Variants in MACROD2 observed in about 807,000 individuals in gnomAD.
The protein encoded by MACROD2 is mono-ADP ribosylhydrolase 2, also known as ADP-ribose glycohydrolase MACROD2.
Under a neutral mutation model 70.4 loss-of-function variants are expected in MACROD2, and 36 were observed. That is an observed-to-expected ratio of 0.51 (90% CI 0.39 to 0.68). MACROD2 has a LOEUF of 0.68. MACROD2 is among the 30% of genes least tolerant of loss of function. The pLI is 0.00. For synonymous variants in MACROD2, 172 were observed against 178.8 expected (o/e 0.96, Z 0.30); for missense variants, 496 against 538.4 (o/e 0.92, Z 0.78).
intron 4 of MACROD2, among the ~76,000 whole-genome samples, chr20:14,571,466 T>C (rs1483231128): frequency 6.6e-6 from 1 of 152,094 alleles, no homozygotes; most frequent in Non-Finnish European, 1.5e-5. Flanking sequence ...TGTGTGTATA[T>C]ATATCACTTG....
At chr20:15,459,001 C>T (rs1238882877) in intron 7 of MACROD2, among the ~76,000 whole-genome samples, 3 of 152,048 alleles carry the variant, frequency 2.0e-5, no homozygotes, top group African/African-American at 4.8e-5. Flanking sequence ...CTGATGCAGA[C>T]ATTTCAGGGA....
chr20:14,183,996 CT>C (rs1306241779), intron 3 of MACROD2, among the ~76,000 whole-genome samples: 1 of 152,048 alleles, frequency 6.6e-6, no homozygotes, highest in Non-Finnish European at 1.5e-5. Context: ...TGTCTGTTTA[CT>C]TTTTTGATAG....
chr20:14,998,933 C>T (rs1006744948), intron 5 of MACROD2, among the ~76,000 whole-genome samples: 1 of 152,212 alleles, frequency 6.6e-6, no homozygotes, highest in African/African-American at 2.4e-5. Flanking sequence ...TGTCTGGCAG[C>T]AGACTTCTCA....
chr20:15,691,528 C>T (rs2050299086), intron 8 of MACROD2, among the ~76,000 whole-genome samples: 1 of 152,112 alleles, frequency 6.6e-6, no homozygotes, highest in Non-Finnish European at 1.5e-5. Flanking sequence ...CAAACTAGAA[C>T]ATTAGATGGT....
intron 15 of MACROD2, among the ~76,000 whole-genome samples, chr20:16,021,885 CA>C (rs921905125): frequency 1.3e-5 from 2 of 152,096 alleles, no homozygotes; most frequent in African/African-American, 2.4e-5. Context: ...CACAATCCAA[CA>C]AAATATAAGC....
intron 4 of MACROD2, among the ~76,000 whole-genome samples, chr20:14,569,397 T>G (rs1332187611): frequency 6.6e-6 from 1 of 152,050 alleles, no homozygotes; most frequent in Non-Finnish European, 1.5e-5. Context: ...GTATAGATAT[T>G]GAGCCATTAC....
chr20:15,927,475 T>C (rs762914682), intron 10 of MACROD2, among the ~76,000 whole-genome samples: 7 of 152,206 alleles, frequency 4.6e-5, no homozygotes, highest in Non-Finnish European at 8.8e-5. Flanking sequence ...ACTGTGTGAC[T>C]TCAGGGAAGT....
At position 15,986,791 on chromosome 20, in the gene MACROD2, G is replaced by A. The variant is rs748151443; in HGVS notation, c.1050G>A (p.Met350Ile). The change falls in exon 14 of 18, where the codon ATG becomes ATA. Residue 350 changes from methionine (M) to isoleucine (I), a missense_variant. By Grantham distance (10) the Met-to-Ile change is conservative. Transcript: ENST00000684519. ...KIETESQSSY[M>I]ETEELSSNQE... ...AAACAGAATCGCAGAGCTCATATAT[G>A]GAAACAGAAGGTACTGAAACCAAAA... 4 of 1,611,646 alleles carry A rather than the reference G, an allele frequency of 2.5e-6. No homozygotes were observed. The East Asian group carries it at 8.9e-5, about 36-fold the overall frequency.
At chr20:14,710,105 G>T (rs577039107) in intron 5 of MACROD2, among the ~76,000 whole-genome samples, 8 of 152,196 alleles carry the variant, frequency 5.3e-5, no homozygotes, top group African/African-American at 1.9e-4. Flanking sequence ...GGACAGCAGC[G>T]GTCAGAAGAT....
chr20:15,589,299 T>C (rs1400856126), intron 8 of MACROD2, among the ~76,000 whole-genome samples: 1 of 152,218 alleles, frequency 6.6e-6, no homozygotes, highest in East Asian at 1.9e-4. Context: ...ACAATTCAAG[T>C]TGAGATTTGA....
chr20:14,644,704 G>A (rs1018590717), intron 4 of MACROD2, among the ~76,000 whole-genome samples: 1 of 152,192 alleles, frequency 6.6e-6, no homozygotes, highest in Non-Finnish European at 1.5e-5. Context: ...GCTGATCGTA[G>A]TGTACATATG....
At chr20:15,602,414 C>T (rs1214040308) in intron 8 of MACROD2, among the ~76,000 whole-genome samples, 1 of 152,198 alleles carries the variant, frequency 6.6e-6, no homozygotes, top group Non-Finnish European at 1.5e-5. Context: ...TTACTGCCCT[C>T]CCTTCCCGTC....
At chr20:15,707,884 G>A (rs2050560112) in intron 8 of MACROD2, among the ~76,000 whole-genome samples, 1 of 151,988 alleles carries the variant, frequency 6.6e-6, no homozygotes, top group African/African-American at 2.4e-5. Flanking sequence ...AAATGCCATA[G>A]AGAATAGAGG....
At chr20:15,239,007 G>A (rs1361825917) in intron 6 of MACROD2, among the ~76,000 whole-genome samples, 4 of 152,090 alleles carry the variant, frequency 2.6e-5, no homozygotes, top group African/African-American at 7.2e-5. Flanking sequence ...GACCTGAGCG[G>A]CAGTTATTAG....
At chr20:14,043,845 A>G (rs2053428451) in intron 2 of MACROD2, among the ~76,000 whole-genome samples, 1 of 152,186 alleles carries the variant, frequency 6.6e-6, no homozygotes, top group Non-Finnish European at 1.5e-5. Flanking sequence ...TCTGAGGCCT[A>G]CTTCTGAAGG....
chr20:15,981,865 T>A (rs1311928599), intron 13 of MACROD2, among the ~76,000 whole-genome samples: 1 of 152,190 alleles, frequency 6.6e-6, no homozygotes, highest in East Asian at 1.9e-4. Context: ...GGGCTGACTT[T>A]TCTTTTTTGA....
intron 8 of MACROD2, among the ~76,000 whole-genome samples, chr20:15,671,682 T>C (rs996787869): frequency 6.6e-6 from 1 of 152,162 alleles, no homozygotes; most frequent in Non-Finnish European, 1.5e-5. Context: ...ATCAATAATA[T>C]GAGATGGAAT....
chr20:14,099,220 G>C (rs2054267773), intron 3 of MACROD2, among the ~76,000 whole-genome samples: 1 of 151,962 alleles, frequency 6.6e-6, no homozygotes, highest in Non-Finnish European at 1.5e-5. Flanking sequence ...GGAGGTTGCA[G>C]TGAGCCAAGA....
rs575084885 is a variant in MACROD2, at chr20:14,817,319, T to C, written c.418+132360T>C. ...AGCCAGTTTTCTCATTAAGAACATA[T>C]TGCCCATGACCAATTCACTGGTTTA... is the stretch of plus-strand genomic sequence containing the variant. On this transcript the variant is annotated intron_variant, in intron 5 of 17. Transcript: ENST00000684519. Among the ~76,000 whole-genome samples the C allele has an allele frequency of 6.6e-5, 10 of 152,280 alleles. No homozygotes were observed. The East Asian group carries it at 1.7e-3, about 26-fold the overall frequency.
Sources: gnomAD v4.1 joint callset for allele counts (sites outside exome capture counted in the v4.1 genomes callset) on GRCh38, gnomAD v4.1.1 for gene constraint, MANE v1.5 for transcripts, NCBI Gene and HGNC (gene_info 2026-07-23, HGNC 2026-07-21) for gene names.